Variants in ATAD3B observed in about 807,000 individuals in gnomAD.
The protein encoded by ATAD3B is ATPase family AAA domain-containing protein 3B.
A neutral mutation model predicts 70.2 loss-of-function variants in ATAD3B; 59 were observed. The ratio of observed to expected loss-of-function variants is 0.84; its 90% confidence interval spans 0.68 to 1.04. ATAD3B has a LOEUF of 1.04. Ranked by LOEUF, ATAD3B falls within the 50% of genes least tolerant of loss-of-function variation. ATAD3B has a pLI of 0.00. For missense variants in ATAD3B, 961 were observed against 913.4 expected, an observed-to-expected ratio of 1.05 and a Z score of -0.67; for synonymous variants, 423 against 388.6, an observed-to-expected ratio of 1.09 and a Z score of -1.04.
intron 7 of ATAD3B, chr1:1,483,898 G>A (rs819975): frequency 0.32 from 48,468 of 152,064 alleles, 14,349 homozygotes; most frequent in African/African-American, 0.74. Flanking sequence ...TCACCGTCAC[G>A]CTGACCAGGC....
In ATAD3B at chr1:1,496,249, G is replaced by A. The variant is rs181528537; in HGVS notation, c.*432G>A. On this transcript the variant is annotated 3_prime_UTR_variant, in exon 16 of 16. Coordinates refer to ENST00000673477, the MANE Select transcript of ATAD3B (RefSeq NM_031921.6). ...TGACACTGCTCGGGGTTTCAGGGGC[G>A]CCCTAGCGTCCTCCTGGGGTCAAAG... 7.3e-4 allele frequency: 729 copies of A among 995,942 alleles called. 4 individuals are homozygous for A. The African/African-American group carries it at 9.5e-3, about 13-fold the overall frequency. The allele number at this position is 995,942 out of a possible 1,614,324, so 61.7% of individuals were successfully genotyped here.
chr1:1,506,710 G>A, the ATAD3B span, among the ~76,000 whole-genome samples: 2 of 151,084 alleles, frequency 1.3e-5, no homozygotes, highest in African/African-American at 2.4e-5. Context: ...TGTTTCTGCT[G>A]TTGATTTTGT....
At position 1,486,544 on chromosome 1, in the gene ATAD3B, A is replaced by G. The variant is rs374902984; in HGVS notation, c.1090A>G (p.Lys364Glu). ...GTCTCCCCTCACTCTTCTTGTCCAG[A>G]AACTCGCCCTGCACTCAGGCATGGA... ...PGTGKTLFAK[K>E]LALHSGMDYA... is the part of the protein sequence containing the mutation. Residue 364 changes from lysine to glutamate, a missense_variant and splice_region_variant, in exon 11 of 16, where the codon AAA (lysine) becomes GAA (glutamate). By Grantham distance (56) the Lys-to-Glu change is moderately conservative. This residue lies in a region of ATAD3B where 349 missense variants were observed against 307.5 expected (regional missense o/e 1.14). Transcript: ENST00000673477. The G allele has an allele frequency of 2.5e-6, 4 of 1,611,928 alleles. No individual in the cohort carries two copies. Among genetic ancestry groups the G allele is most frequent in the Non-Finnish European group, 3.4e-6 (4 of 1,179,438 alleles).
intron 3 of ATAD3B, 34 bp downstream of exon 3, chr1:1,478,779 C>A: frequency 1.4e-6 from 2 of 1,452,842 alleles, no homozygotes; most frequent in Non-Finnish European, 1.8e-6. Context: ...GGAGGCCGCC[C>A]GGCTGCGGGG....
At chr1:1,502,542 T>A (rs370401376), downstream of ATAD3B, among the ~76,000 whole-genome samples, 11 of 108,096 alleles carry the variant, frequency 1.0e-4, no homozygotes, top group Non-Finnish European at 2.0e-4. Flanking sequence ...GACAGAGTCA[T>A]GCTCTGTCGC....
chr1:1,474,860 C>T lies in ATAD3B; in HGVS notation c.206-2414C>T, dbSNP rs1055673311. 9.2e-5 allele frequency among the ~76,000 whole-genome samples: 14 copies of T among 151,518 alleles called. 1 individual carries two copies. Among genetic ancestry groups the T allele is most frequent in the African/African-American group, 3.4e-4 (14 of 40,964 alleles). On this transcript the variant is annotated intron_variant, in intron 1 of 15. Coordinates refer to ENST00000673477, the MANE Select transcript of ATAD3B (RefSeq NM_031921.6). ...GAATCAAGGGCTGGACTTCAGGGCACCTCGGAGGACAGCGGATGTTGGTGA... is the reference window on the plus strand; with the variant it reads ...GAATCAAGGGCTGGACTTCAGGGCATCTCGGAGGACAGCGGATGTTGGTGA...
chr1:1,496,095 G>C lies in ATAD3B; in HGVS notation c.*278G>C. The C allele has an allele frequency of 2.5e-6, 3 of 1,201,508 alleles. No homozygotes were observed. Among genetic ancestry groups the C allele is most frequent in the Non-Finnish European group, 3.1e-6 (3 of 964,398 alleles). The allele number at this position is 1,201,508 out of a possible 1,614,324, so 74.4% of individuals were successfully genotyped here. On this transcript the variant is annotated 3_prime_UTR_variant, in exon 16 of 16. Transcript: ENST00000673477. ...ACCCTGCTTCCAGCCATGGCCAGGG[G>C]CCACGGAACCCGGCAGGGGTGTCTG...
the ATAD3B span, among the ~76,000 whole-genome samples, chr1:1,504,225 AT>A: frequency 3.3e-5 from 5 of 151,736 alleles, no homozygotes; most frequent in African/African-American, 1.2e-4. Flanking sequence ...ACCTCAAGGG[AT>A]CTACCTGCCT....
chr1:1,491,709 G>T lies in ATAD3B; in HGVS notation c.1614+1038G>T, dbSNP rs113144568. On this transcript the variant is annotated intron_variant, in intron 15 of 15. Transcript: ENST00000673477. The stretch of plus-strand genomic sequence containing the variant: ...AATGAATGAGTGACAGCTTAATGAA[G>T]TAGCCAAGTACCTTGATTTGAACGT... Among the ~76,000 whole-genome samples the T allele has an allele frequency of 3.9e-5, 6 of 152,132 alleles. 1 individual carries two copies. Among genetic ancestry groups the T allele is most frequent in the African/African-American group, 1.4e-4 (6 of 41,540 alleles).
At chr1:1,501,334 A>G (rs1640941828), downstream of ATAD3B, among the ~76,000 whole-genome samples, 1 of 151,034 alleles carries the variant, frequency 6.6e-6, no homozygotes, top group Admixed American at 6.6e-5. Context: ...GGCTCACTGC[A>G]AGCTCTGCCT....
At chr1:1,489,986 G>C (rs1640444397) in intron 13 of ATAD3B, 1 of 1,311,362 alleles carries the variant, frequency 7.6e-7, no homozygotes, top group Admixed American at 3.3e-5. Context: ...TCCCGGCACT[G>C]CCTATCAGGC....
chr1:1,480,721 C>T, intron 4 of ATAD3B, 146 bp from the exon 5 acceptor site: 6 of 1,435,554 alleles, frequency 4.2e-6, no homozygotes, highest in Non-Finnish European at 4.6e-6. Flanking sequence ...TCACCCGTGT[C>T]TGTGTCAGGG....
chr1:1,488,656 T>C (rs1464268956), intron 12 of ATAD3B, among the ~76,000 whole-genome samples: 2 of 151,828 alleles, frequency 1.3e-5, no homozygotes, highest in African/African-American at 4.8e-5. Flanking sequence ...CTGCTCAGGA[T>C]GCTGATGCAG....
chr1:1,505,196 G>A, the ATAD3B span, among the ~76,000 whole-genome samples: 29 of 152,258 alleles, frequency 1.9e-4, no homozygotes, highest in African/African-American at 5.1e-4. Flanking sequence ...TGATAGGTAA[G>A]GTCACGTGGG....
the ATAD3B span, chr1:1,509,109 C>T: frequency 6.7e-7 from 1 of 1,484,240 alleles, no homozygotes; most frequent in Admixed American, 2.4e-5. Context: ...ATCCTGGAGC[C>T]CCTGGTTTGG....
At chr1:1,476,537 C>T (rs1022180255) in intron 1 of ATAD3B, among the ~76,000 whole-genome samples, 1 of 151,326 alleles carries the variant, frequency 6.6e-6, no homozygotes, top group Non-Finnish European at 1.5e-5. Context: ...TTGAGACGGA[C>T]TCTTGCTGTC....
At chr1:1,473,745 C>G (rs1055973784) in intron 1 of ATAD3B, among the ~76,000 whole-genome samples, 1 of 152,036 alleles carries the variant, frequency 6.6e-6, no homozygotes, top group African/African-American at 2.4e-5. Flanking sequence ...CCACCCGCCT[C>G]GACCTCCCAA....
chr1:1,472,309 G>T (rs1484915671), intron 1 of ATAD3B, among the ~76,000 whole-genome samples: 2 of 152,010 alleles, frequency 1.3e-5, no homozygotes, highest in Non-Finnish European at 2.9e-5. Context: ...CGGGTCAGGT[G>T]CGAAAAGCGG....
At position 1,497,606 on chromosome 1, in the gene ATAD3B, C is replaced by G. The variant is rs4970454; in HGVS notation, c.*1789C>G. The G allele has an allele frequency of 0.18, 27,151 of 151,468 alleles. 2,953 individuals carry two copies. The highest frequency in any genetic ancestry group is 0.46 in the East Asian group (2,375 of 5,136). 9.4% of individuals were successfully genotyped at this position (151,468 alleles called of 1,614,324 possible). On this transcript the variant is annotated 3_prime_UTR_variant, in exon 16 of 16. Coordinates refer to ENST00000673477, the MANE Select transcript of ATAD3B (RefSeq NM_031921.6). ...GTTAGACTGGGCTAGGTGGCTCACG[C>G]CTGTAATCCCAGCACTTTGGGAGGC...
Sources: allele counts gnomAD v4.1 joint callset (sites outside exome capture counted in the v4.1 genomes callset), GRCh38; gene constraint gnomAD v4.1.1; regional missense constraint gnomAD v4.1.1; transcripts MANE v1.5; gene names NCBI Gene and HGNC (gene_info 2026-07-23, HGNC 2026-07-21).